The following CYP2D6 variants were observed in gnomAD, a reference collection of about 807,000 sequenced individuals.
The protein encoded by CYP2D6 is cytochrome P450 2D6.
In CYP2D6, 51 loss-of-function variants were observed where a neutral mutation model predicts 43.5. That is an observed-to-expected ratio of 1.17 (90% CI 0.94 to 1.48). CYP2D6 has a LOEUF of 1.48. CYP2D6 is among the 40% of genes most tolerant of loss of function. CYP2D6 has a pLI of 0.00. For missense variants in CYP2D6, 698 were observed against 688.0 expected (o/e 1.01, Z -0.16); for synonymous variants, 346 against 297.1 (o/e 1.16, Z -1.69).
Position 42,129,499 on chromosome 22 carries a change from G to A in CYP2D6, c.352+239C>T, listed in dbSNP as rs1441462125. ...ACACCGGATTCCAGCTGGGAAATGC[G>A]CCAGCCTCACCCATTGGGCTCCTGC... On this transcript the variant is annotated intron_variant, in intron 2 of 8. Coordinates refer to ENST00000645361, the MANE Select transcript of CYP2D6 (RefSeq NM_000106.6). The A allele has an allele frequency of 1.7e-5, 12 of 722,662 alleles. 2 individuals are homozygous for A. Among genetic ancestry groups the A allele is most frequent in the South Asian group, 3.3e-5 (2 of 61,128 alleles). 44.8% of individuals were successfully genotyped at this position (722,662 alleles called of 1,614,324 possible). A position where few individuals can be genotyped will look rare whatever the true frequency, so the allele number is the denominator to read the frequency against.
chr22:42,127,599 G>A lies in CYP2D6; in HGVS notation c.1021C>T (p.Gln341Ter), dbSNP rs1230699203. Residue 341 changes from glutamine to a stop codon, truncating the protein, a stop_gained, in exon 7 of 9, where the codon CAG becomes TAG. Coordinates refer to ENST00000645361, the MANE Select transcript of CYP2D6 (RefSeq NM_000106.6). LOFTEE classifies it high-confidence loss of function. Reference protein sequence around the residue: ...VQQEIDDVIGQVRRPEMGDQA... With the variant: ...VQQEIDDVIG ...TCACCCATCTCTGGTCGCCGCACCT[G>A]CCCTATCACGTCGTCGATCTCCTGT... is the stretch of plus-strand genomic sequence containing the variant. 7.4e-6 allele frequency: 12 copies of A among 1,611,938 alleles called. No individual in the cohort carries two copies. Among genetic ancestry groups the A allele is most frequent in the South Asian group, 1.1e-5 (1 of 90,938 alleles).
At chr22:42,129,617 T>G in intron 2 of CYP2D6, 121 bp downstream of exon 2, 1 of 1,360,514 alleles carries the variant, frequency 7.4e-7, no homozygotes, top group Non-Finnish European at 1.0e-6. Context: ...CTTGGCCCGC[T>G]GTCCCCACTC....
chr22:42,128,974 G>C (rs754593902), intron 3 of CYP2D6, 30 bp from the exon 4 acceptor site: 1 of 1,581,150 alleles, frequency 6.3e-7, no homozygotes, highest in Non-Finnish European at 8.6e-7. Flanking sequence ...GTAAGGGGTC[G>C]CCTTCCCCGT....
At chr22:42,127,163 TCA>T (rs1190387897) in intron 7 of CYP2D6, among the ~76,000 whole-genome samples, 171 bp from the exon 8 acceptor site, 2 of 150,938 alleles carry the variant, frequency 1.3e-5, no homozygotes, top group African/African-American at 2.5e-5. Context: ...CAGGGCGCAG[TCA>T]CACCTCTCAG....
chr22:42,129,739 TTGGGAACGCGGCCCGAAACCCAGGATC>T lies in CYP2D6; in HGVS notation c.324_350del (p.Ile109_Gln117del), dbSNP rs1201675808. 1 of 1,609,750 alleles carries T rather than the reference TTGGGAACGCGGCCCGAAACCCAGGATC, an allele frequency of 6.2e-7. No individual in the cohort carries two copies. ...GTCTCTGTCCCCACCGCTGCTTGCC[TTGGGAACGCGGCCCGAAACCCAGGATC>T]TGGGTGATGGGCACAGGCGGGCGGT... On this transcript the variant is annotated inframe_deletion and splice_region_variant, in exon 2 of 9. Transcript: ENST00000645361.
Position 42,129,884 on chromosome 22 carries a change from A to C in CYP2D6, c.206T>G (p.Phe69Cys). The change falls in exon 2 of 9, where the codon TTC (phenylalanine) becomes TGC (cysteine). Residue 69 changes from phenylalanine (F) to cysteine (C), a missense_variant. Phe to Cys is a radical substitution (Grantham distance 205). Coordinates refer to ENST00000645361, the MANE Select transcript of CYP2D6 (RefSeq NM_000106.6). ...DQLRRRFGDV[F>C]SLQLAWTPVV... ...CGGCGTCCAGGCCAGCTGCAGGCTG[A>C]ACACGTCCCCGAAGCGGCGCCGCAA... 1 of 1,588,332 alleles carries C rather than the reference A, an allele frequency of 6.3e-7. No homozygotes were observed. The highest frequency in any genetic ancestry group is 8.6e-7 in the Non-Finnish European group (1 of 1,168,494).
In CYP2D6 at chr22:42,127,084, C is replaced by T. The variant is rs77867647; in HGVS notation, c.1174-92G>A. 355 of 1,445,474 alleles carry T rather than the reference C, an allele frequency of 2.5e-4. 4 individuals carry two copies. The African/African-American group carries it at 4.7e-3, about 19-fold the overall frequency. The allele number at this position is 1,445,474 out of a possible 1,614,324, so 89.5% of individuals were successfully genotyped here. ...CACACGGGGGACACACACTGCCTGG[C>T]ACACAGCTGGACTCTGTCAACTAGT... is the stretch of plus-strand genomic sequence containing the variant. On this transcript the variant is annotated intron_variant, in intron 7 of 8. Coordinates refer to ENST00000645361, the MANE Select transcript of CYP2D6 (RefSeq NM_000106.6).
intron 2 of CYP2D6, 90 bp downstream of exon 2, chr22:42,129,648 C>G (rs1034881916): frequency 1.3e-6 from 2 of 1,542,494 alleles, no homozygotes; most frequent in Non-Finnish European, 1.8e-6. Context: ...TTCATGTCCA[C>G]GACCCCGCGC....
At chr22:42,128,760 A>T (rs746296803) in intron 4 of CYP2D6, 24 bp downstream of exon 4, 2 of 1,590,696 alleles carry the variant, frequency 1.3e-6, no homozygotes, top group South Asian at 1.1e-5. Context: ...CCCTGCAGAG[A>T]CTCCTCGGTC....
At chr22:42,129,466 C>T (rs369741816) in intron 2 of CYP2D6, 13 of 727,338 alleles carry the variant, frequency 1.8e-5, no homozygotes, top group East Asian at 1.3e-4. Context: ...TCCCCGCCCC[C>T]CACTTCGACA....
At chr22:42,127,760 C>T (rs1320433881) in intron 6 of CYP2D6, 82 bp downstream of exon 6, 1 of 1,581,436 alleles carries the variant, frequency 6.3e-7, no homozygotes, top group East Asian at 2.2e-5. Flanking sequence ...GCTTGGAGCC[C>T]CGGGTGTCCC....
At chr22:42,129,420 C>T (rs1931642092) in intron 2 of CYP2D6, 4 of 770,810 alleles carry the variant, frequency 5.2e-6, no homozygotes, top group African/African-American at 3.4e-5. Flanking sequence ...CCGCGGGCCC[C>T]GCGCCACCCA....
At position 42,128,829 on chromosome 22, in the gene CYP2D6, G is replaced by A; in HGVS notation, c.621C>T (p.Asp207=). Residue 207 remains aspartate (D), a synonymous_variant, in exon 4 of 9, where the codon GAC becomes GAT. Transcript: ENST00000645361. Reference sequence around the variant, plus strand: ...CCTCCTTCAGTCCCTCCTGAGCTAGGTCCAGCAGCCTGAGGAAGCGAGGGT... The same window carrying A: ...CCTCCTTCAGTCCCTCCTGAGCTAGATCCAGCAGCCTGAGGAAGCGAGGGT... ...YDDPRFLRLL[D]LAQEGLKEES... is the part of the protein sequence containing the mutation. 2 of 1,608,154 alleles carry A rather than the reference G, an allele frequency of 1.2e-6. No homozygotes were observed. The highest frequency in any genetic ancestry group is 1.1e-5 in the South Asian group (1 of 90,320).
chr22:42,127,842 G>A lies in CYP2D6; in HGVS notation c.985C>T (p.Arg329Cys), dbSNP rs150216909. The A allele has an allele frequency of 2.3e-4, 372 of 1,610,840 alleles. 18 individuals are homozygous for A. Among genetic ancestry groups the A allele is most frequent in the Non-Finnish European group, 2.8e-4 (324 of 1,177,980 alleles). ...LLMILHPDVQ[R>C]RVQQEIDDVI... ...TGCACTGTTTCCCAGATGGGCTCAC[G>A]CTGCACATCCGGATGTAGGATCATG... The change falls in exon 6 of 9, where the codon CGC (arginine) becomes TGC (cysteine). Residue 329 changes from arginine (R) to cysteine (C), a missense_variant and splice_region_variant. Arg to Cys is a radical substitution (Grantham distance 180). Coordinates refer to ENST00000645361, the MANE Select transcript of CYP2D6 (RefSeq NM_000106.6).
rs760407637 is a variant in CYP2D6, at chr22:42,129,058, A to G, written c.480T>C (p.Leu160=). Reference sequence around the variant, plus strand: ...CGGAGTGGTTGGCGAAGGCGGCACAAAGGCAGGCGGCCTCCTCGGTCACCC... The same window carrying G: ...CGGAGTGGTTGGCGAAGGCGGCACAGAGGCAGGCGGCCTCCTCGGTCACCC... ...EQWVTEEAAC[L]CAAFANHSGR... is the part of the protein sequence containing the mutation. Residue 160 remains leucine, a synonymous_variant, in exon 3 of 9, where the codon CTT becomes CTC. Coordinates refer to ENST00000645361, the MANE Select transcript of CYP2D6 (RefSeq NM_000106.6). 1.2e-6 allele frequency: 2 copies of G among 1,608,116 alleles called. No homozygotes were observed. Among genetic ancestry groups the G allele is most frequent in the Non-Finnish European group, 1.7e-6 (2 of 1,177,094 alleles).
rs769291734 is a variant in CYP2D6, at chr22:42,127,912, G to T, written c.915C>A (p.Ala305=). The change falls in exon 6 of 9, where the codon GCC becomes GCA. Residue 305 remains alanine (A), a synonymous_variant. Transcript: ENST00000645361. The part of the protein sequence containing the change: ...LRIVVADLFS[A]GMVTTSTTLA... ...GCGTGGTCGAGGTGGTCACCATCCCGGCAGAGAACAGGTCAGCCACCACTA... is the reference window on the plus strand; with the variant it reads ...GCGTGGTCGAGGTGGTCACCATCCCTGCAGAGAACAGGTCAGCCACCACTA... 2 of 1,610,968 alleles carry T rather than the reference G, an allele frequency of 1.2e-6. No homozygotes were observed. Among genetic ancestry groups the T allele is most frequent in the South Asian group, 2.2e-5 (2 of 90,922 alleles).
In CYP2D6 at chr22:42,128,790, CAGA is replaced by C; in HGVS notation, c.657_659del (p.Phe219del). On this transcript the variant is annotated inframe_deletion, in exon 4 of 9. Transcript: ENST00000645361. Reference sequence around the variant, plus strand: ...TCGGTCTCTCGCTCCGCACCTCGCGCAGAAAGCCCGACTCCTCCTTCAGTCCCT... The same window carrying C: ...TCGGTCTCTCGCTCCGCACCTCGCGCAAGCCCGACTCCTCCTTCAGTCCCT... The C allele has an allele frequency of 6.2e-7, 1 of 1,606,566 alleles. No individual in the cohort carries two copies. The highest frequency in any genetic ancestry group is 8.5e-7 in the Non-Finnish European group (1 of 1,176,040).
chr22:42,127,424 G>A (rs1178653329), intron 7 of CYP2D6, 23 bp downstream of exon 7: 6 of 1,575,986 alleles, frequency 3.8e-6, no homozygotes, highest in Non-Finnish European at 5.2e-6. Context: ...GCTGAGCTGG[G>A]GTGAGGAGGG....
chr22:42,126,751 G>C lies in CYP2D6; in HGVS notation c.1317C>G (p.Gly439=). 1 of 1,549,520 alleles carries C rather than the reference G, an allele frequency of 6.5e-7. No homozygotes were observed. The highest frequency in any genetic ancestry group is 1.2e-5 in the South Asian group (1 of 84,014). The change falls in exon 9 of 9, where the codon GGC becomes GGG. Residue 439 remains glycine (G), a splice_region_variant and synonymous_variant. Coordinates refer to ENST00000645361, the MANE Select transcript of CYP2D6 (RefSeq NM_000106.6). ...KPEAFLPFSA[G]RRACLGEPLA... Reference sequence around the variant, plus strand: ...GGGGCTCCCCGAGGCATGCACGGCGGCCTGTGGGGAGGGGAGGGGCGTCAG... The same window carrying C: ...GGGGCTCCCCGAGGCATGCACGGCGCCCTGTGGGGAGGGGAGGGGCGTCAG...
Sources: gnomAD v4.1 joint callset for allele counts (sites outside exome capture counted in the v4.1 genomes callset) on GRCh38, gnomAD v4.1.1 for gene constraint, MANE v1.5 for transcripts, NCBI Gene and HGNC (gene_info 2026-07-23, HGNC 2026-07-21) for gene names.